GLG1: variants seen among roughly 807,000 people sequenced by gnomAD.
GLG1 encodes the protein golgi glycoprotein 1, also known as Golgi apparatus protein 1.
A neutral mutation model predicts 160.5 loss-of-function variants in GLG1; 38 were observed. That is an observed-to-expected ratio of 0.24 (90% CI 0.18 to 0.31). GLG1 has a LOEUF of 0.31. Among genes scored for constraint, GLG1 ranks in the 10% least tolerant of loss-of-function variants. The probability of loss-of-function intolerance (pLI) is 1.00; values close to 1 mark genes in which losing one functional copy is unlikely to be tolerated. For missense variants in GLG1, 1,373 were observed against 1,505.2 expected, an observed-to-expected ratio of 0.91 and a Z score of 1.45; for synonymous variants, 644 against 543.4, an observed-to-expected ratio of 1.19 and a Z score of -2.57.
At chr16:74,495,394 G>A (rs572036406) in intron 5 of GLG1, among the ~76,000 whole-genome samples, 62 of 152,312 alleles carry the variant, frequency 4.1e-4, no homozygotes, top group Admixed American at 1.6e-3. Flanking sequence ...GATTACAGGC[G>A]TGAGCCGCCG....
intron 12 of GLG1, among the ~76,000 whole-genome samples, chr16:74,476,911 A>T (rs2015405828): frequency 1.3e-5 from 2 of 152,334 alleles, no homozygotes; most frequent in East Asian, 1.9e-4. Flanking sequence ...ATTCATGCAG[A>T]CCAGTACTCA....
chr16:74,581,409 GATT>G (rs1049295930), intron 1 of GLG1, among the ~76,000 whole-genome samples: 26 of 151,918 alleles, frequency 1.7e-4, no homozygotes, highest in Middle Eastern at 3.4e-3. Flanking sequence ...CAAATATCAC[GATT>G]CCACTTACAT....
rs755662308 is a variant in GLG1 at position 74,503,792 on chromosome 16, T to C, written c.559-46A>G. 1.4e-5 allele frequency: 16 copies of C among 1,146,870 alleles called. No individual in the cohort carries two copies. In the East Asian group the frequency reaches 2.1e-4, roughly 15 times the overall value. The allele number at this position is 1,146,870 out of a possible 1,614,324, so 71.0% of individuals were successfully genotyped here. The stretch of plus-strand genomic sequence containing the variant: ...GTTTTACAAAAGTGTTCCATGCTCG[T>C]ATCAAACAATATTTATCAAAGAGAA... On this transcript the variant is annotated intron_variant, in intron 3 of 25. Transcript: ENST00000422840.
intron 2 of GLG1, among the ~76,000 whole-genome samples, chr16:74,527,788 G>A (rs922213769): frequency 1.2e-4 from 18 of 151,802 alleles, no homozygotes; most frequent in African/African-American, 2.7e-4. Flanking sequence ...GTGCCGTGGC[G>A]GGATCTCAGC....
At chr16:74,606,061 A>T (rs1958558048) in intron 1 of GLG1, among the ~76,000 whole-genome samples, 1 of 152,160 alleles carries the variant, frequency 6.6e-6, no homozygotes, top group Non-Finnish European at 1.5e-5. Flanking sequence ...ACAGCTTCAA[A>T]CGCTTCCCCA....
intron 1 of GLG1, among the ~76,000 whole-genome samples, chr16:74,598,979 T>C (rs889658163): frequency 2.0e-5 from 3 of 151,980 alleles, no homozygotes; most frequent in Admixed American, 2.0e-4. Flanking sequence ...TTGAACACAT[T>C]AGGAGAAATG....
At chr16:74,500,027 A>C (rs2016349838) in intron 4 of GLG1, among the ~76,000 whole-genome samples, 1 of 152,212 alleles carries the variant, frequency 6.6e-6, no homozygotes, top group Non-Finnish European at 1.5e-5. Context: ...AATAAAAAAA[A>C]ACAATACTTC....
chr16:74,576,601 G>C (rs1482418517), intron 1 of GLG1, among the ~76,000 whole-genome samples: 1 of 152,120 alleles, frequency 6.6e-6, no homozygotes, highest in Non-Finnish European at 1.5e-5. Context: ...CAGGTTGTGG[G>C]GCTGGATCTG....
Position 74,606,013 on chromosome 16 carries a change from A to T in GLG1, c.438+644T>A, listed in dbSNP as rs551324396. Among the ~76,000 whole-genome samples, 3 of 152,322 alleles carry T rather than the reference A, an allele frequency of 2.0e-5. No individual in the cohort carries two copies. In the East Asian group the frequency reaches 5.8e-4, roughly 29 times the overall value. ...GAGATACTGTTAAAATCACATTCAG[A>T]CCTCAGAAAGGCAAGATCCCATAAC... On this transcript the variant is annotated intron_variant, in intron 1 of 25. Coordinates refer to ENST00000422840, the MANE Select transcript of GLG1 (RefSeq NM_001145667.2).
Position 74,483,051 on chromosome 16 carries a change from G to A in GLG1, c.1645C>T (p.Leu549=), listed in dbSNP as rs1217016992. The change falls in exon 10 of 26, where the codon CTG becomes TTG. Residue 549 remains leucine, a synonymous_variant. Coordinates refer to ENST00000422840, the MANE Select transcript of GLG1 (RefSeq NM_001145667.2). ...VEDCEHRLLE[L]QYFISRDWKL... is the part of the protein sequence containing the mutation. ...CAATCCCGGGAGATGAAATACTGCA[G>A]CTCTAAGAGACGGTGTTCACAGTCT... is the stretch of plus-strand genomic sequence containing the variant. The A allele has an allele frequency of 1.2e-6, 2 of 1,605,464 alleles. No individual in the cohort carries two copies. The highest frequency in any genetic ancestry group is 1.3e-5 in the African/African-American group (1 of 74,724).
At chr16:74,498,448 G>GTATATATATATATATCTATATATA (rs2016282218) in intron 4 of GLG1, among the ~76,000 whole-genome samples, 1 of 24,038 alleles carries the variant, frequency 4.2e-5, no homozygotes, top group African/African-American at 1.4e-4. Context: ...AAAAAAAAAA[G>GTATATATATATATATCTATATATA]TATATATATA....
chr16:74,472,333 T>C lies in GLG1; in HGVS notation c.2115+16A>G. The C allele has an allele frequency of 6.3e-7, 1 of 1,594,104 alleles. No homozygotes were observed. The highest frequency in any genetic ancestry group is 8.6e-7 in the Non-Finnish European group (1 of 1,162,066). ...TGTTTCTGTTTTTAACCCTTGCTCCTCCAGACATCACTTACGTGGCAGAAG... is the reference window on the plus strand; with the variant it reads ...TGTTTCTGTTTTTAACCCTTGCTCCCCCAGACATCACTTACGTGGCAGAAG... On this transcript the variant is annotated intron_variant, in intron 14 of 25. Transcript: ENST00000422840.
intron 1 of GLG1, among the ~76,000 whole-genome samples, chr16:74,545,730 T>C (rs1358108792): frequency 6.6e-6 from 1 of 152,262 alleles, no homozygotes; most frequent in Non-Finnish European, 1.5e-5. Flanking sequence ...ACTGCTCAGA[T>C]GCAGACATCT....
chr16:74,498,469 ATATTT>A (rs56885456), intron 4 of GLG1, among the ~76,000 whole-genome samples: 44 of 35,900 alleles, frequency 1.2e-3, no homozygotes, highest in Middle Eastern at 0.016. Context: ...TATATATATT[ATATTT>A]TATATATATA....
chr16:74,561,195 G>T (rs1027619444), intron 1 of GLG1, among the ~76,000 whole-genome samples: 2 of 152,222 alleles, frequency 1.3e-5, no homozygotes, highest in African/African-American at 4.8e-5. Context: ...CAGCATGCCT[G>T]TGAGTAGCCT....
chr16:74,475,623 G>A (rs953875639), intron 12 of GLG1, among the ~76,000 whole-genome samples: 1 of 152,200 alleles, frequency 6.6e-6, no homozygotes, highest in African/African-American at 2.4e-5. Context: ...AGGTTTACAG[G>A]TTTAGAGGTT....
chr16:74,471,876 C>T (rs927382848), intron 14 of GLG1, among the ~76,000 whole-genome samples: 2 of 150,976 alleles, frequency 1.3e-5, no homozygotes, highest in Non-Finnish European at 2.9e-5. Flanking sequence ...AACACAGGTT[C>T]CAGGATGGTA....
At chr16:74,504,899 G>A (rs1366420869) in intron 3 of GLG1, among the ~76,000 whole-genome samples, 2 of 152,150 alleles carry the variant, frequency 1.3e-5, no homozygotes, top group Non-Finnish European at 2.9e-5. Context: ...TCAGGCAAAA[G>A]TAAAACCTAA....
At chr16:74,493,187 T>C (rs780893916) in intron 6 of GLG1, 47 bp from the exon 7 acceptor site, 2 of 1,356,570 alleles carry the variant, frequency 1.5e-6, no homozygotes, top group Admixed American at 3.8e-5. Flanking sequence ...CATGTAACTT[T>C]ACTGTTGACG....
Sources: allele counts gnomAD v4.1 joint callset (sites outside exome capture counted in the v4.1 genomes callset), GRCh38; gene constraint gnomAD v4.1.1; transcripts MANE v1.5; gene names NCBI Gene and HGNC (gene_info 2026-07-23, HGNC 2026-07-21).